The following DACH2 variants were observed in gnomAD, a reference collection of about 807,000 sequenced individuals.
DACH2 encodes the protein dachshund homolog 2.
DACH2 carries 17 observed loss-of-function variants against 35.8 expected under a neutral mutation model. The ratio of observed to expected loss-of-function variants is 0.48; its 90% CI spans 0.33 to 0.71. The LOEUF (loss-of-function observed/expected upper bound fraction) is 0.71, where lower values mean the gene tolerates loss of function less well. Among genes scored for constraint, DACH2 ranks in the 30% least tolerant of loss-of-function variants. The probability of loss-of-function intolerance (pLI) is 0.02; values close to 1 mark genes in which losing one functional copy is unlikely to be tolerated. For synonymous variants in DACH2, 195 were observed against 177.3 expected, an observed-to-expected ratio of 1.10 and a Z score of -0.79; for missense variants, 469 against 472.7, an observed-to-expected ratio of 0.99 and a Z score of 0.07.
chrX:86,172,196 A>G (rs1390658800), intron 1 of DACH2, among the ~76,000 whole-genome samples: 1 of 112,249 alleles, frequency 8.9e-6, no homozygotes, highest in Non-Finnish European at 1.9e-5. Context: ...TAGTGCTTTC[A>G]CATATACTGG....
At chrX:86,698,634 C>T (rs749611917) in intron 5 of DACH2, among the ~76,000 whole-genome samples, 4 of 99,420 alleles carry the variant, frequency 4.0e-5, no homozygotes, top group African/African-American at 1.5e-4. Flanking sequence ...CTCAGGTGAG[C>T]CTCTCAACTA....
At chrX:86,393,510 G>A (rs1644386914) in intron 2 of DACH2, among the ~76,000 whole-genome samples, 1 of 112,137 alleles carries the variant, frequency 8.9e-6, no homozygotes, top group Non-Finnish European at 1.9e-5. Flanking sequence ...AATGGCTGTG[G>A]TAATAAAGAG....
chrX:86,421,708 G>T (rs776154445), intron 2 of DACH2, among the ~76,000 whole-genome samples: 1 of 110,941 alleles, frequency 9.0e-6, no homozygotes, highest in South Asian at 3.8e-4. Flanking sequence ...TGAATATATT[G>T]GTATTGGTTT....
intron 3 of DACH2, among the ~76,000 whole-genome samples, chrX:86,574,235 A>C (rs2148334405): frequency 9.0e-6 from 1 of 111,246 alleles, no homozygotes; most frequent in South Asian, 3.8e-4. Flanking sequence ...GCTCCTGGTA[A>C]TCTAAACCTG....
intron 3 of DACH2, among the ~76,000 whole-genome samples, chrX:86,579,840 A>C (rs777860279): frequency 7.5e-4 from 85 of 112,633 alleles, no homozygotes; most frequent in Non-Finnish European, 1.4e-3. Flanking sequence ...ATTAGTTAGC[A>C]CTTTGCTTAC....
chrX:86,212,068 G>C (rs1485670221), intron 1 of DACH2, among the ~76,000 whole-genome samples: 1 of 111,476 alleles, frequency 9.0e-6, no homozygotes, highest in Non-Finnish European at 1.9e-5. Context: ...AACTACTGTG[G>C]TTCATTTGGG....
At chrX:86,150,974 A>G (rs1207538872) in intron 1 of DACH2, among the ~76,000 whole-genome samples, 1 of 111,816 alleles carries the variant, frequency 8.9e-6, no homozygotes, top group Non-Finnish European at 1.9e-5. Context: ...TTAAAGTGGA[A>G]CAATTATTAC....
rs370412004 is a variant in DACH2 at position 86,432,242 on chromosome X, G to T, written c.527+55380G>T. Among the ~76,000 whole-genome samples the T allele has an allele frequency of 2.6e-4, 29 of 112,003 alleles. No individual in the cohort carries two copies. The East Asian group carries it at 3.1e-3, about 12-fold the overall frequency. ...AGCAACAGAAAAGAAGCTGATTTTT[G>T]TTTGTTTTCTCTTTGATTTGTTTGT... On this transcript the variant is annotated intron_variant, in intron 2 of 11. Coordinates refer to ENST00000373125, the MANE Select transcript of DACH2 (RefSeq NM_053281.3).
At chrX:86,758,929 T>A in intron 7 of DACH2, among the ~76,000 whole-genome samples, 1 of 112,384 alleles carries the variant, frequency 8.9e-6, no homozygotes, top group South Asian at 3.6e-4. Flanking sequence ...CCACTCATAT[T>A]CTTTTAGTTA....
intron 7 of DACH2, among the ~76,000 whole-genome samples, chrX:86,790,669 C>G (rs2042178593): frequency 9.0e-6 from 1 of 111,512 alleles, no homozygotes; most frequent in African/African-American, 3.3e-5. Flanking sequence ...CCTTAGCCTC[C>G]CAAGTAGCTG....
At chrX:86,283,879 C>CACAT (rs1466908655) in intron 1 of DACH2, among the ~76,000 whole-genome samples, 1 of 106,620 alleles carries the variant, frequency 9.4e-6, no homozygotes, top group Non-Finnish European at 1.9e-5. Flanking sequence ...TATACACACA[C>CACAT]ACACACACAC....
At chrX:86,711,055 T>C (rs771461429) in intron 5 of DACH2, among the ~76,000 whole-genome samples, 2 of 111,530 alleles carry the variant, frequency 1.8e-5, no homozygotes, top group East Asian at 5.7e-4. Flanking sequence ...ATTATAGGAG[T>C]TGCTGAAATA....
intron 3 of DACH2, among the ~76,000 whole-genome samples, chrX:86,532,434 T>G (rs894475415): frequency 9.0e-6 from 1 of 110,628 alleles, no homozygotes; most frequent in Non-Finnish European, 1.9e-5. Context: ...TTGCTGTTCT[T>G]GTGGTAGCAT....
intron 1 of DACH2, among the ~76,000 whole-genome samples, chrX:86,308,376 C>A (rs5923522): frequency 0.44 from 48,814 of 111,512 alleles, 7,949 homozygotes; most frequent in Non-Finnish European, 0.52. Flanking sequence ...TAGCTACCAT[C>A]ATGGACAAAA....
intron 2 of DACH2, among the ~76,000 whole-genome samples, chrX:86,450,114 G>A (rs1362049796): frequency 9.0e-6 from 1 of 110,763 alleles, no homozygotes; most frequent in East Asian, 2.9e-4. Context: ...GGATGTGTAG[G>A]TTTGGTACAT....
intron 7 of DACH2, 75 bp from the exon 8 acceptor site, chrX:86,812,781 C>A: frequency 1.4e-6 from 1 of 696,130 alleles, no homozygotes; most frequent in Non-Finnish European, 2.1e-6. Context: ...TTTATAGATG[C>A]TTAGTAGAGG....
At position 86,304,614 on chromosome X, in the gene DACH2, A is replaced by G. The variant is rs779840955; in HGVS notation, c.489-72210A>G. ...TCTGACCATCACATGGCCTGGCAGG[A>G]CTCCTACCTCCGTTCTACAGATTTC... is the stretch of plus-strand genomic sequence containing the variant. On this transcript the variant is annotated intron_variant, in intron 1 of 11. Coordinates refer to ENST00000373125, the MANE Select transcript of DACH2 (RefSeq NM_053281.3). 1.1e-4 allele frequency: 18 copies of G among 163,294 alleles called. 1 individual carries two copies. The South Asian group carries it at 2.4e-3, about 22-fold the overall frequency. 13.5% of individuals were successfully genotyped at this position (163,294 alleles called of 1,213,427 possible). A position where few individuals can be genotyped will look rare whatever the true frequency, so the allele number is the denominator to read the frequency against.
chrX:86,678,719 A>T lies in DACH2; in HGVS notation c.773-16302A>T, dbSNP rs745486725. On this transcript the variant is annotated intron_variant, in intron 4 of 11. Coordinates refer to ENST00000373125, the MANE Select transcript of DACH2 (RefSeq NM_053281.3). ...GAACAATCATTAAAATGAAACATAA[A>T]AAAAAATAGGCTGCTTTCAAGTATT... is the stretch of plus-strand genomic sequence containing the variant. Among the ~76,000 whole-genome samples the T allele has an allele frequency of 2.7e-5, 3 of 111,962 alleles. No homozygotes were observed. The East Asian group carries it at 8.4e-4, about 31-fold the overall frequency.
chrX:86,656,035 C>CG (rs374641050), intron 4 of DACH2, among the ~76,000 whole-genome samples: 1,224 of 100,383 alleles, frequency 0.012, 23 homozygotes, highest in African/African-American at 0.042. Flanking sequence ...AAGCTCCCCC[C>CG]CCCCACTAAT....
Sources: allele counts gnomAD v4.1 joint callset (sites outside exome capture counted in the v4.1 genomes callset), GRCh38; gene constraint gnomAD v4.1.1; transcripts MANE v1.5; gene names NCBI Gene and HGNC (gene_info 2026-07-23, HGNC 2026-07-21).